Variants in HLTF observed in about 807,000 individuals in gnomAD.
The protein encoded by HLTF is DNA-dependent ATPase/E3 ubiquitin-protein ligase HLTF.
Under a neutral mutation model 129.4 loss-of-function variants are expected in HLTF, and 127 were observed. The observed-to-expected ratio is 0.98, with a 90% CI of 0.85 to 1.14. The LOEUF (loss-of-function observed/expected upper bound fraction) is 1.14, where lower values mean the gene tolerates loss of function less well. Ranked by LOEUF, HLTF falls within the 50% of genes most tolerant of loss-of-function variation. HLTF has a pLI of 0.00. For missense variants in HLTF, 1,139 were observed against 1,187.1 expected (o/e 0.96, Z 0.60); for synonymous variants, 332 against 388.8 (o/e 0.85, Z 1.72).
chr3:149,074,113 C>A, intron 4 of HLTF, 102 bp downstream of exon 4: 1 of 1,199,034 alleles, frequency 8.3e-7, no homozygotes, highest in South Asian at 2.1e-5. Flanking sequence ...ACCTTGGAGC[C>A]TTGAGCACAA....
rs777736606 is a variant in HLTF at position 149,060,872 on chromosome 3, T to A, written c.1161-14A>T. The A allele has an allele frequency of 1.9e-6, 3 of 1,578,856 alleles. No homozygotes were observed. The highest frequency in any genetic ancestry group is 2.6e-6 in the Non-Finnish European group (3 of 1,155,144). On this transcript the variant is annotated splice_polypyrimidine_tract_variant and intron_variant, in intron 10 of 24. Coordinates refer to ENST00000310053, the MANE Select transcript of HLTF (RefSeq NM_003071.4). ...GCAGTTTTTCTTCTAAAATTAAGTA[T>A]ACACAAAGAAATTTTTGGACCAACC...
intron 19 of HLTF, 67 bp from the exon 20 acceptor site, chr3:149,041,735 TAAGGAA>T: frequency 1.7e-6 from 2 of 1,153,632 alleles, no homozygotes; most frequent in East Asian, 2.4e-5. Flanking sequence ...ATCTATCTTA[TAAGGAA>T]AAGTTTCGCT....
At chr3:149,075,306 T>C (rs2108055408) in intron 3 of HLTF, among the ~76,000 whole-genome samples, 1 of 152,278 alleles carries the variant, frequency 6.6e-6, no homozygotes, top group Admixed American at 6.5e-5. Context: ...CCCAGCATTT[T>C]GGGAGGCCGA....
At chr3:149,040,421 A>C (rs1182324461) in intron 20 of HLTF, among the ~76,000 whole-genome samples, 1 of 143,016 alleles carries the variant, frequency 7.0e-6, no homozygotes, top group Non-Finnish European at 1.5e-5. Flanking sequence ...AAATTATAAC[A>C]TTGTAAGCAA....
chr3:149,079,737 C>T (rs1349923722), intron 2 of HLTF, among the ~76,000 whole-genome samples: 2 of 152,094 alleles, frequency 1.3e-5, no homozygotes, highest in Admixed American at 1.3e-4. Context: ...GGACTACAGG[C>T]AGGTGCCACC....
intron 1 of HLTF, among the ~76,000 whole-genome samples, chr3:149,085,795 T>C (rs139276032): frequency 2.4e-3 from 366 of 152,244 alleles, no homozygotes; most frequent in South Asian, 7.3e-3. Context: ...ATTTGGACAA[T>C]GAAAAGTGAA....
chr3:149,046,121 A>T lies in HLTF; in HGVS notation c.2031T>A (p.Ile677=). The part of the protein sequence containing the change: ...HITLSDEERK[I]YQSVKNEGRA... ...TGCCTTCATTTTTCACAGACTGATA[A>T]ATCTTTCTCTCTTCATCTGAAAGTG... The change falls in exon 18 of 25, where the codon ATT becomes ATA. Residue 677 remains isoleucine (I), a synonymous_variant. Transcript: ENST00000310053. 6.2e-7 allele frequency: 1 copy of T among 1,611,510 alleles called. No individual in the cohort carries two copies. Among genetic ancestry groups the T allele is most frequent in the Non-Finnish European group, 8.5e-7 (1 of 1,178,826 alleles).
Position 149,071,437 on chromosome 3 carries a change from C to T in HLTF, c.709G>A (p.Glu237Lys). 1 of 1,610,536 alleles carries T rather than the reference C, an allele frequency of 6.2e-7. No individual in the cohort carries two copies. The highest frequency in any genetic ancestry group is 8.5e-7 in the Non-Finnish European group (1 of 1,178,438). Residue 237 changes from glutamate (E) to lysine (K), a missense_variant, in exon 7 of 25, where the codon GAA becomes AAA. Physicochemically the swap from Glu to Lys is moderately conservative, Grantham distance 56. Coordinates refer to ENST00000310053, the MANE Select transcript of HLTF (RefSeq NM_003071.4). The part of the protein sequence containing the change: ...THEMEPAEAI[E>K]TPLLPHQKQA... Reference sequence around the variant, plus strand: ...TTTTGATGTGGAAGCAGTGGTGTTTCAATAGCCTATAAATAAAAAGTCATA... The same window carrying T: ...TTTTGATGTGGAAGCAGTGGTGTTTTAATAGCCTATAAATAAAAAGTCATA...
At position 149,068,355 on chromosome 3, in the gene HLTF, G is replaced by T; in HGVS notation, c.895-20C>A. ...TTTACCCTTAAAAATGTTTTAAAAA[G>T]ATAAATGGTCAGATTGTGAAACCCA... On this transcript the variant is annotated intron_variant, in intron 7 of 24. Coordinates refer to ENST00000310053, the MANE Select transcript of HLTF (RefSeq NM_003071.4). 1.7e-6 allele frequency: 2 copies of T among 1,186,620 alleles called. No homozygotes were observed. Among genetic ancestry groups the T allele is most frequent in the Non-Finnish European group, 2.4e-6 (2 of 818,462 alleles). 73.5% of individuals were successfully genotyped at this position (1,186,620 alleles called of 1,614,324 possible). A position where few individuals can be genotyped will look rare whatever the true frequency, so the allele number is the denominator to read the frequency against.
downstream of HLTF, chr3:149,030,076 A>C (rs1714873256): frequency 6.6e-6 from 1 of 152,238 alleles, no homozygotes; most frequent in Non-Finnish European, 1.5e-5. Flanking sequence ...CAATTAATGA[A>C]GGATTTTATT....
chr3:149,067,352 G>T (rs1718475070), intron 8 of HLTF, among the ~76,000 whole-genome samples: 2 of 151,882 alleles, frequency 1.3e-5, no homozygotes, highest in Non-Finnish European at 2.9e-5. Flanking sequence ...TCCACACAAA[G>T]ATTTGTACCT....
intron 14 of HLTF, 146 bp downstream of exon 14, chr3:149,055,157 C>T: frequency 1.8e-6 from 1 of 544,180 alleles, no homozygotes; most frequent in East Asian, 3.1e-5. Context: ...CAAACATAAT[C>T]CAATTCACCT....
intron 2 of HLTF, among the ~76,000 whole-genome samples, chr3:149,079,360 T>C (rs1379789357): frequency 1.8e-4 from 10 of 57,122 alleles, no homozygotes; most frequent in African/African-American, 6.5e-4. Context: ...GGCAAAAGGG[T>C]AACGACAGTT....
In HLTF at chr3:149,039,046, T is replaced by A. The variant is rs770829829; in HGVS notation, c.2796+3A>T. The A allele has an allele frequency of 5.9e-6, 9 of 1,518,802 alleles. No homozygotes were observed. The highest frequency in any genetic ancestry group is 7.1e-6 in the Non-Finnish European group (8 of 1,133,610). The allele number at this position is 1,518,802 out of a possible 1,614,324, so 94.1% of individuals were successfully genotyped here. ...TTCTGAAAAAATTTACAGAACTACT[T>A]ACTGGATCCATTAAAAACACTCGAG... On this transcript the variant is annotated splice_donor_region_variant and intron_variant, in intron 23 of 24. Transcript: ENST00000310053.
intron 7 of HLTF, among the ~76,000 whole-genome samples, chr3:149,070,670 CA>C (rs779311514): frequency 6.6e-5 from 10 of 152,192 alleles, no homozygotes; most frequent in Non-Finnish European, 1.3e-4. Context: ...AATACAATTT[CA>C]CATAACATTG....
chr3:149,048,129 C>A lies in HLTF; in HGVS notation c.1791G>T (p.Trp597Cys), dbSNP rs764811304. 6.2e-7 allele frequency: 1 copy of A among 1,611,294 alleles called. No individual in the cohort carries two copies. Among genetic ancestry groups the A allele is most frequent in the South Asian group, 1.1e-5 (1 of 90,614 alleles). The change falls in exon 17 of 25, where the codon TGG becomes TGT. Residue 597 changes from tryptophan (W) to cysteine (C), a missense_variant. Transcript: ENST00000310053. ...TAAGTTTTAAAAAGGAAAGAAGAGACCACAAGTCCTTTAAAGAATTCTGGA... is the reference window on the plus strand; with the variant it reads ...TAAGTTTTAAAAAGGAAAGAAGAGAACACAAGTCCTTTAAAGAATTCTGGA... The part of the protein sequence containing the change: ...TPIQNSLKDL[W>C]SLLSFLKLKP...
Position 149,060,767 on chromosome 3 carries a change from AT to A in HLTF, c.1240+11del. The A allele has an allele frequency of 6.2e-7, 1 of 1,609,794 alleles. No homozygotes were observed. Among genetic ancestry groups the A allele is most frequent in the Non-Finnish European group, 8.5e-7 (1 of 1,176,280 alleles). On this transcript the variant is annotated intron_variant, in intron 11 of 24. Coordinates refer to ENST00000310053, the MANE Select transcript of HLTF (RefSeq NM_003071.4). ...TAGGACACATTATCAAATCAAATCT[AT>A]TACATGTTACCTTTCATTTTCTGCG...
At chr3:149,075,788 G>T (rs1342238801) in intron 3 of HLTF, 93 bp downstream of exon 3, 4 of 704,200 alleles carry the variant, frequency 5.7e-6, no homozygotes, top group Non-Finnish European at 2.2e-6. Context: ...GAAATTGTTA[G>T]CATACCTTTA....
chr3:149,085,414 G>T (rs1294617844), intron 1 of HLTF, among the ~76,000 whole-genome samples: 1 of 152,128 alleles, frequency 6.6e-6, no homozygotes, highest in African/African-American at 2.4e-5. Context: ...ACTTGAACCC[G>T]GGAGGCGTAG....
Sources: allele counts gnomAD v4.1 joint callset (sites outside exome capture counted in the v4.1 genomes callset), GRCh38; gene constraint gnomAD v4.1.1; transcripts MANE v1.5; gene names NCBI Gene and HGNC (gene_info 2026-07-23, HGNC 2026-07-21).